Variants in LPP observed in about 807,000 individuals in gnomAD.
The protein encoded by LPP is LIM domain containing preferred translocation partner in lipoma.
In LPP, 38 loss-of-function variants were observed where a neutral mutation model predicts 60.4. The observed-to-expected ratio is 0.63, with a 90% CI of 0.49 to 0.83. The LOEUF (loss-of-function observed/expected upper bound fraction) is 0.83. LPP is among the 40% of genes least tolerant of loss of function. The pLI is 0.00. For missense variants in LPP, 902 were observed against 783.6 expected (o/e 1.15, Z -1.80); for synonymous variants, 328 against 290.8 (o/e 1.13, Z -1.30).
chr3:188,312,258 C>A (rs1480492834), intron 2 of LPP, among the ~76,000 whole-genome samples: 1 of 151,954 alleles, frequency 6.6e-6, no homozygotes. Flanking sequence ...CTGTTATTAG[C>A]GACTCTAAAC....
At chr3:188,534,307 A>G (rs1822985414) in intron 6 of LPP, among the ~76,000 whole-genome samples, 1 of 152,206 alleles carries the variant, frequency 6.6e-6, no homozygotes, top group Admixed American at 6.5e-5. Flanking sequence ...ATTATGTTAC[A>G]TTACACTGAA....
At chr3:188,765,057 G>A (rs192564252) in intron 9 of LPP, among the ~76,000 whole-genome samples, 18 of 152,228 alleles carry the variant, frequency 1.2e-4, no homozygotes, top group Non-Finnish European at 2.5e-4. Context: ...TACATTAAGA[G>A]GTAGTTTTGT....
intron 2 of LPP, among the ~76,000 whole-genome samples, chr3:188,259,468 G>T (rs1419550776): frequency 6.6e-6 from 1 of 152,206 alleles, no homozygotes; most frequent in Non-Finnish European, 1.5e-5. Context: ...CCTTCCAGCA[G>T]CTAGAAATAA....
In LPP at chr3:188,880,511, C is replaced by T. The variant is rs1769840578; in HGVS notation, c.*6032C>T. 1 of 188,984 alleles carries T rather than the reference C, an allele frequency of 5.3e-6. No homozygotes were observed. Among genetic ancestry groups the T allele is most frequent in the South Asian group, 1.9e-4 (1 of 5,140 alleles). 11.7% of individuals were successfully genotyped at this position (188,984 alleles called of 1,614,324 possible). A position where few individuals can be genotyped will look rare whatever the true frequency, so the allele number is the denominator to read the frequency against. ...AATATTCTACAAACACCTACATATA[C>T]TAGAGAGGGGTGAAACACTGCAGCT... is the stretch of plus-strand genomic sequence containing the variant. On this transcript the variant is annotated 3_prime_UTR_variant, in exon 12 of 12. Transcript: ENST00000617246.
At chr3:188,412,039 A>G (rs1029218265) in intron 4 of LPP, among the ~76,000 whole-genome samples, 2 of 151,502 alleles carry the variant, frequency 1.3e-5, no homozygotes, top group Non-Finnish European at 2.9e-5. Context: ...TTTATCCATC[A>G]TTAAAATAGA....
intron 2 of LPP, among the ~76,000 whole-genome samples, chr3:188,256,342 C>A (rs1484182494): frequency 6.6e-6 from 1 of 151,788 alleles, no homozygotes; most frequent in South Asian, 2.1e-4. Flanking sequence ...TTGGGTTGAC[C>A]AACACATCTT....
chr3:188,831,000 T>A (rs1757008002), intron 9 of LPP, among the ~76,000 whole-genome samples: 1 of 152,214 alleles, frequency 6.6e-6, no homozygotes, highest in African/African-American at 2.4e-5. Context: ...AGGTGCTCAA[T>A]AGACTTCTGG....
At chr3:188,695,558 A>G (rs1863061793) in intron 7 of LPP, among the ~76,000 whole-genome samples, 1 of 152,188 alleles carries the variant, frequency 6.6e-6, no homozygotes, top group South Asian at 2.1e-4. Context: ...TGTATTACTC[A>G]CAGTGGCTCT....
intron 9 of LPP, among the ~76,000 whole-genome samples, chr3:188,828,640 A>AAAAAAACC (rs1756306374): frequency 6.8e-6 from 1 of 146,976 alleles, no homozygotes; most frequent in Non-Finnish European, 1.5e-5. Flanking sequence ...AAAAAAAAAA[A>AAAAAAACC]CTCAGCTGCA....
intron 8 of LPP, chr3:188,710,175 A>G (rs1866338119): frequency 6.6e-6 from 1 of 152,226 alleles, no homozygotes; most frequent in African/African-American, 2.4e-5. Flanking sequence ...ATGACAGGTC[A>G]ACTGACCACA....
In LPP at chr3:188,610,642, T is replaced by C. The variant is rs1843507652; in HGVS notation, c.1113+798T>C. Among the ~76,000 whole-genome samples, 1 of 152,258 alleles carries C rather than the reference T, an allele frequency of 6.6e-6. No homozygotes were observed. Among genetic ancestry groups the C allele is most frequent in the Non-Finnish European group, 1.5e-5 (1 of 68,054 alleles). ...TTTAATTGTCCATATGTGGACCTTTTAAGTTAACACTCTCTGTTACTTCGT... is the reference window on the plus strand; with the variant it reads ...TTTAATTGTCCATATGTGGACCTTTCAAGTTAACACTCTCTGTTACTTCGT... On this transcript the variant is annotated intron_variant, in intron 7 of 11. Transcript: ENST00000617246. The surrounding 1 kb of genome is among the most constrained non-coding windows in gnomAD (Gnocchi z 4.4).
chr3:188,468,720 G>C (rs1055186441), intron 4 of LPP, among the ~76,000 whole-genome samples: 2 of 152,106 alleles, frequency 1.3e-5, no homozygotes, highest in African/African-American at 4.8e-5. Flanking sequence ...ATTCTCTTTA[G>C]GATGAGACAT....
At chr3:188,301,116 T>C (rs79434172) in intron 2 of LPP, among the ~76,000 whole-genome samples, 4,567 of 152,242 alleles carry the variant, frequency 0.03, 247 homozygotes, top group African/African-American at 0.1. Context: ...CTCTATCCAG[T>C]CGTCCGTCTA....
intron 6 of LPP, among the ~76,000 whole-genome samples, chr3:188,541,221 C>G (rs1825085324): frequency 6.6e-6 from 1 of 152,156 alleles, no homozygotes; most frequent in African/African-American, 2.4e-5. Context: ...TCTGATTGAC[C>G]TGGAGGGCTT....
intron 7 of LPP, among the ~76,000 whole-genome samples, chr3:188,638,936 C>G (rs1338142000): frequency 6.6e-6 from 1 of 152,126 alleles, no homozygotes; most frequent in Admixed American, 6.6e-5. Context: ...AATGGCCATA[C>G]TGCCCAAGGT....
intron 9 of LPP, among the ~76,000 whole-genome samples, chr3:188,863,621 C>T (rs1220081658): frequency 6.6e-6 from 1 of 152,138 alleles, no homozygotes; most frequent in Admixed American, 6.5e-5. Context: ...CGCAGGCTGT[C>T]GAAGGATAAC....
chr3:188,735,811 A>G (rs1268449803), intron 8 of LPP, among the ~76,000 whole-genome samples: 1 of 152,234 alleles, frequency 6.6e-6, no homozygotes, highest in Non-Finnish European at 1.5e-5. Flanking sequence ...ACAAGTGACA[A>G]CGGGGCTGGG....
At chr3:188,213,812 C>T (rs1252696807) in intron 1 of LPP, among the ~76,000 whole-genome samples, 1 of 152,120 alleles carries the variant, frequency 6.6e-6, no homozygotes, top group Non-Finnish European at 1.5e-5. Context: ...AACTTCCTTT[C>T]TATCCATGGA....
intron 4 of LPP, among the ~76,000 whole-genome samples, chr3:188,421,656 T>C (rs1363348334): frequency 6.6e-6 from 1 of 152,224 alleles, no homozygotes; most frequent in African/African-American, 2.4e-5. Flanking sequence ...TTTGTTTTTC[T>C]GCTGTTTCAT....
Sources: gnomAD v4.1 joint callset for allele counts (sites outside exome capture counted in the v4.1 genomes callset) on GRCh38, gnomAD v4.1.1 for gene constraint, Gnocchi (gnomAD v3.1) non-coding constraint, MANE v1.5 for transcripts, NCBI Gene and HGNC (gene_info 2026-07-23, HGNC 2026-07-21) for gene names.